Variants in IGF1R observed in about 807,000 individuals in gnomAD.
IGF1R encodes insulin like growth factor 1 receptor, also known as insulin-like growth factor 1 receptor.
IGF1R carries 44 observed loss-of-function variants against 144.6 expected under a neutral mutation model. The observed-to-expected ratio is 0.30, with a 90% CI of 0.24 to 0.39. The LOEUF is 0.39. Ranked by LOEUF, IGF1R falls within the 10% of genes least tolerant of loss-of-function variation. The pLI is 1.00. For missense variants in IGF1R, 1,355 were observed against 1,833.7 expected (o/e 0.74, Z 4.77); for synonymous variants, 795 against 722.8 (o/e 1.10, Z -1.60).
At chr15:98,911,095 C>T (rs1341672294) in intron 6 of IGF1R, among the ~76,000 whole-genome samples, 10 of 152,100 alleles carry the variant, frequency 6.6e-5, no homozygotes, top group Non-Finnish European at 1.2e-4. Context: ...AAGTAGCCAG[C>T]GTAACTGATT....
At chr15:98,951,808 TA>T (rs537612095) in intron 20 of IGF1R, among the ~76,000 whole-genome samples, 1,873 of 152,316 alleles carry the variant, frequency 0.012, 47 homozygotes, top group African/African-American at 0.043. Flanking sequence ...AAAGGCCGGC[TA>T]AAAAAATGTT....
intron 19 of IGF1R, among the ~76,000 whole-genome samples, chr15:98,943,515 C>A (rs937723921): frequency 6.6e-6 from 1 of 152,226 alleles, no homozygotes; most frequent in African/African-American, 2.4e-5. Context: ...GTCCCATCTG[C>A]TGTCTGTCTT....
chr15:98,680,143 G>A (rs923807034), intron 1 of IGF1R, among the ~76,000 whole-genome samples: 2 of 152,222 alleles, frequency 1.3e-5, no homozygotes, highest in Non-Finnish European at 2.9e-5. Flanking sequence ...TATTTATAAA[G>A]TCTACAGTAG....
intron 2 of IGF1R, among the ~76,000 whole-genome samples, chr15:98,746,102 A>C (rs953775598): frequency 1.4e-4 from 21 of 152,216 alleles, no homozygotes; most frequent in Non-Finnish European, 2.1e-4. Flanking sequence ...TAGGTGGAGA[A>C]GGCAAGGCAG....
intron 2 of IGF1R, among the ~76,000 whole-genome samples, chr15:98,806,576 TAATA>T (rs1225355830): frequency 2.6e-5 from 4 of 152,174 alleles, no homozygotes; most frequent in Non-Finnish European, 5.9e-5. Context: ...AAACACTTTC[TAATA>T]GGTGTTACCA....
intron 2 of IGF1R, among the ~76,000 whole-genome samples, chr15:98,802,170 C>T (rs1248491610): frequency 6.6e-6 from 1 of 152,144 alleles, no homozygotes; most frequent in Admixed American, 6.5e-5. Flanking sequence ...TTAATACCTT[C>T]CTGTAGGTGC....
Position 98,922,203 on chromosome 15 carries a change from C to T in IGF1R, c.2257C>T (p.Arg753Ter), listed in dbSNP as rs1173681603. 2 of 1,614,136 alleles carry T rather than the reference C, an allele frequency of 1.2e-6. No individual in the cohort carries two copies. The highest frequency in any genetic ancestry group is 1.7e-6 in the Non-Finnish European group (2 of 1,180,028). ...MQVANTTMSS[R>*]SRNTTAADTY... Reference sequence around the variant, plus strand: ...AGTGGCCAACACCACCATGTCCAGCCGAAGCAGGAACACCACGGCCGCAGA... The same window carrying T: ...AGTGGCCAACACCACCATGTCCAGCTGAAGCAGGAACACCACGGCCGCAGA... The change falls in exon 11 of 21, where the codon CGA becomes TGA. Residue 753 changes from arginine to a stop codon, truncating the protein, a stop_gained. Coordinates refer to ENST00000650285, the MANE Select transcript of IGF1R (RefSeq NM_000875.5). LOFTEE classifies it high-confidence loss of function.
chr15:98,955,523 T>C (rs765731292), intron 20 of IGF1R, among the ~76,000 whole-genome samples: 2 of 152,274 alleles, frequency 1.3e-5, no homozygotes, highest in Non-Finnish European at 2.9e-5. Flanking sequence ...GCAGCTGATG[T>C]AGAGGCGGGC....
At chr15:98,955,069 ATTAT>A (rs2016925791) in intron 20 of IGF1R, among the ~76,000 whole-genome samples, 1 of 152,142 alleles carries the variant, frequency 6.6e-6, no homozygotes, top group Non-Finnish European at 1.5e-5. Context: ...TCTTGGACAA[ATTAT>A]TTAGTATCTT....
chr15:98,943,361 C>T (rs2016435597), intron 19 of IGF1R, among the ~76,000 whole-genome samples: 1 of 152,156 alleles, frequency 6.6e-6, no homozygotes, highest in Admixed American at 6.5e-5. Flanking sequence ...TTTGTTTCTC[C>T]CCTGCCTGCC....
At chr15:98,838,619 G>A (rs938607849) in intron 2 of IGF1R, among the ~76,000 whole-genome samples, 1 of 152,170 alleles carries the variant, frequency 6.6e-6, no homozygotes, top group Non-Finnish European at 1.5e-5. Context: ...AAGGTCAAAG[G>A]GCGTTGGGCC....
chr15:98,673,615 T>TC (rs1408531093), intron 1 of IGF1R, among the ~76,000 whole-genome samples: 1 of 152,178 alleles, frequency 6.6e-6, no homozygotes, highest in African/African-American at 2.4e-5. Context: ...GACCACTGGA[T>TC]CCCCCCATGC....
rs114401546 is a variant in IGF1R at position 98,935,799 on chromosome 15, C to G, written c.3297+373C>G. ...GTAGCTATCTTCTCTGCTAACTTCT[C>G]GATGCGCTTGACTCACATCCTCGTA... On this transcript the variant is annotated intron_variant, in intron 17 of 20. Transcript: ENST00000650285. This position sits in a 1 kb window ranked among gnomAD's most constrained non-coding sequence, Gnocchi z 4.2. Among the ~76,000 whole-genome samples the G allele has an allele frequency of 6.6e-6, 1 of 152,112 alleles. No homozygotes were observed. The highest frequency in any genetic ancestry group is 2.4e-5 in the African/African-American group (1 of 41,420).
chr15:98,834,034 C>T (rs538343694), intron 2 of IGF1R, among the ~76,000 whole-genome samples: 3 of 152,332 alleles, frequency 2.0e-5, no homozygotes, highest in African/African-American at 7.2e-5. Context: ...TTTATGAGGA[C>T]TTGCCAGATG....
rs757261009 is a variant in IGF1R at position 98,911,424 on chromosome 15, C to T, written c.1572C>T (p.Thr524=). ...PPDYRDLISF[T]VYYKEAPFKN... ...ACTACAGGGATCTCATCAGCTTCAC[C>T]GTTTACTACAAGGAAGCGTGAGTTT... is the stretch of plus-strand genomic sequence containing the variant. The change falls in exon 7 of 21, where the codon ACC becomes ACT. Residue 524 remains threonine, a synonymous_variant. Transcript: ENST00000650285. The T allele has an allele frequency of 4.3e-5, 70 of 1,614,044 alleles. No individual in the cohort carries two copies. The Middle Eastern group carries it at 6.6e-4, about 15-fold the overall frequency.
At chr15:98,948,901 C>G (rs1451338682) in intron 20 of IGF1R, among the ~76,000 whole-genome samples, 193 bp downstream of exon 20, 1 of 152,184 alleles carries the variant, frequency 6.6e-6, no homozygotes. Context: ...CCGTGGGTAC[C>G]TTAATTCTAC....
At chr15:98,889,722 G>A (rs538492635) in intron 2 of IGF1R, among the ~76,000 whole-genome samples, 8 of 152,190 alleles carry the variant, frequency 5.3e-5, no homozygotes, top group Non-Finnish European at 1.0e-4. Flanking sequence ...GGGGTCACTT[G>A]TGGGTAGGTG....
intron 2 of IGF1R, among the ~76,000 whole-genome samples, chr15:98,736,722 A>G (rs1048747121): frequency 3.4e-5 from 5 of 148,554 alleles, no homozygotes; most frequent in African/African-American, 7.4e-5. Flanking sequence ...AGCAATTCTC[A>G]TGCCTCGGCC....
intron 2 of IGF1R, among the ~76,000 whole-genome samples, chr15:98,853,563 A>T (rs1017716491): frequency 4.6e-5 from 7 of 152,266 alleles, no homozygotes; most frequent in African/African-American, 1.7e-4. Context: ...AAGGAAAAAT[A>T]ATCTATGAAG....
Sources: allele counts gnomAD v4.1 joint callset (sites outside exome capture counted in the v4.1 genomes callset), GRCh38; gene constraint gnomAD v4.1.1; non-coding constraint Gnocchi (gnomAD v3.1); transcripts MANE v1.5; gene names NCBI Gene and HGNC (gene_info 2026-07-23, HGNC 2026-07-21).